Variants in TFAP2B observed in about 807,000 individuals in gnomAD.
The protein encoded by TFAP2B is transcription factor AP-2-beta.
In TFAP2B, 9 loss-of-function variants were observed where a neutral mutation model predicts 44.3. That is an observed-to-expected ratio of 0.20 (90% CI 0.12 to 0.35). TFAP2B has a LOEUF of 0.35. Among genes scored for constraint, TFAP2B ranks in the 10% least tolerant of loss-of-function variants. The pLI, the probability that TFAP2B is intolerant of heterozygous loss-of-function variation, is 1.00. For synonymous variants in TFAP2B, 270 were observed against 263.8 expected (o/e 1.02, Z -0.23); for missense variants, 509 against 600.0 (o/e 0.85, Z 1.59).
intron 4 of TFAP2B, 74 bp downstream of exon 4, chr6:50,836,354 A>G: frequency 7.7e-7 from 1 of 1,294,612 alleles, no homozygotes; most frequent in Admixed American, 1.9e-5. Flanking sequence ...TTTATTGGAC[A>G]GTGAGGAGAA....
In TFAP2B at chr6:50,828,690, T is replaced by C. The variant is rs1023550072; in HGVS notation, c.601+11T>C. The C allele has an allele frequency of 5.6e-6, 9 of 1,613,938 alleles. No homozygotes were observed. Among genetic ancestry groups the C allele is most frequent in the Non-Finnish European group, 7.6e-6 (9 of 1,179,894 alleles). ...CTGTCATTAAAAAAGGTATGGATAA[T>C]TCCCCCCAAAAAGTAAGCAAAGTTC... On this transcript the variant is annotated intron_variant, in intron 3 of 6. Coordinates refer to ENST00000393655, the MANE Select transcript of TFAP2B (RefSeq NM_003221.4).
intron 2 of TFAP2B, among the ~76,000 whole-genome samples, 153 bp from the exon 3 acceptor site, chr6:50,828,466 A>G (rs41273706): frequency 3.9e-5 from 6 of 152,274 alleles, no homozygotes; most frequent in Non-Finnish European, 7.4e-5. Flanking sequence ...TTTCATTTCT[A>G]TGTCTATTTG....
intron 3 of TFAP2B, among the ~76,000 whole-genome samples, chr6:50,830,830 G>T (rs1465179051): frequency 1.3e-5 from 2 of 152,148 alleles, no homozygotes; most frequent in African/African-American, 2.4e-5. Flanking sequence ...CCAATTATGA[G>T]AGATGTTTCC....
intron 6 of TFAP2B, among the ~76,000 whole-genome samples, chr6:50,842,522 C>T (rs1762752630): frequency 6.6e-6 from 1 of 152,208 alleles, no homozygotes; most frequent in Admixed American, 6.5e-5. Flanking sequence ...CTAGCTCCCT[C>T]CCCCAATACT....
intron 6 of TFAP2B, 139 bp from the exon 7 acceptor site, chr6:50,842,953 G>C (rs528759608): frequency 9.0e-6 from 11 of 1,219,840 alleles, no homozygotes; most frequent in Non-Finnish European, 1.3e-5. Context: ...CGCTGGGAAA[G>C]GAAACAGAGC....
chr6:50,820,316 G>A (rs1359862193), intron 1 of TFAP2B, among the ~76,000 whole-genome samples: 2 of 152,250 alleles, frequency 1.3e-5, no homozygotes, highest in African/African-American at 4.8e-5. Flanking sequence ...CGACTCACAG[G>A]CGCGGCCGGC....
chr6:50,838,396 C>T (rs1762663504), intron 5 of TFAP2B, among the ~76,000 whole-genome samples: 1 of 152,210 alleles, frequency 6.6e-6, no homozygotes, highest in Admixed American at 6.5e-5. Context: ...TCTATGTGAA[C>T]TCTTGCAAGA....
rs1215975932 is a variant in TFAP2B at position 50,847,397 on chromosome 6, G to A, written c.*4005G>A. 6.6e-6 allele frequency: 1 copy of A among 152,544 alleles called. No individual in the cohort carries two copies. Among genetic ancestry groups the A allele is most frequent in the Non-Finnish European group, 1.5e-5 (1 of 68,028 alleles). 9.4% of individuals were successfully genotyped at this position (152,544 alleles called of 1,614,324 possible). ...TATATTTATTTATGCTTAATTTAATGGGAATGTGTAAATATGGCGAGCAAG... is the reference window on the plus strand; with the variant it reads ...TATATTTATTTATGCTTAATTTAATAGGAATGTGTAAATATGGCGAGCAAG... On this transcript the variant is annotated 3_prime_UTR_variant, in exon 7 of 7. Transcript: ENST00000393655.
At chr6:50,837,869 C>G (rs1054433513) in intron 4 of TFAP2B, 106 bp from the exon 5 acceptor site, 4 of 925,048 alleles carry the variant, frequency 4.3e-6, no homozygotes, top group Non-Finnish European at 7.2e-6. Flanking sequence ...GTGCTAACCT[C>G]AAGTTAAAAC....
rs990418759 is a variant in TFAP2B at position 50,825,823 on chromosome 6, G to A, written c.540+1958G>A. 2.6e-5 allele frequency among the ~76,000 whole-genome samples: 4 copies of A among 152,148 alleles called. No individual in the cohort carries two copies. In the East Asian group the frequency reaches 5.8e-4, roughly 22 times the overall value. Reference sequence around the variant, plus strand: ...TTCCTCCCCTGCTTTATCTCATTTCGTCACCTGCCGGGAGGCCCACGGGAC... The same window carrying A: ...TTCCTCCCCTGCTTTATCTCATTTCATCACCTGCCGGGAGGCCCACGGGAC... On this transcript the variant is annotated intron_variant, in intron 2 of 6. Coordinates refer to ENST00000393655, the MANE Select transcript of TFAP2B (RefSeq NM_003221.4).
intron 1 of TFAP2B, among the ~76,000 whole-genome samples, chr6:50,819,842 G>T (rs1770280844): frequency 8.8e-6 from 1 of 113,764 alleles, no homozygotes; most frequent in African/African-American, 3.7e-5. Flanking sequence ...CGGCCGAGGC[G>T]GGCGAGGTGG....
intron 3 of TFAP2B, among the ~76,000 whole-genome samples, chr6:50,830,741 C>A (rs1770649679): frequency 6.6e-6 from 1 of 152,156 alleles, no homozygotes; most frequent in Non-Finnish European, 1.5e-5. Context: ...ACTTTTCTAA[C>A]TCAGTATAAG....
chr6:50,825,295 GT>G (rs11345533), intron 2 of TFAP2B, among the ~76,000 whole-genome samples: 43,928 of 150,052 alleles, frequency 0.29, 6,645 homozygotes, highest in African/African-American at 0.39. Context: ...GTATTTAATA[GT>G]TTTTTTTTTA....
chr6:50,836,067 T>G lies in TFAP2B; in HGVS notation c.608T>G (p.Val203Gly), dbSNP rs777245720. 6.2e-7 allele frequency: 1 copy of G among 1,613,968 alleles called. No homozygotes were observed. Among genetic ancestry groups the G allele is most frequent in the African/African-American group, 1.3e-5 (1 of 74,934 alleles). The change falls in exon 4 of 7, where the codon GTT (valine) becomes GGT (glycine). Residue 203 changes from valine to glycine, a missense_variant. Physicochemically the swap from Val to Gly is moderately radical, Grantham distance 109. Around this residue, in one of 3 missense-constraint regions of TFAP2B, gnomAD observed 296 missense variants for 308.2 expected, o/e 0.96. Transcript: ENST00000393655. ...LDQSVIKKVP[V>G]PPKSVTSLMM... is the part of the protein sequence containing the mutation. ...ATTTTTTCTCTCTTTCTAGTTCCAG[T>G]TCCTCCCAAATCGGTGACTTCTCTA...
At chr6:50,829,797 A>G (rs1280279746) in intron 3 of TFAP2B, among the ~76,000 whole-genome samples, 4 of 152,204 alleles carry the variant, frequency 2.6e-5, no homozygotes, top group African/African-American at 9.6e-5. Flanking sequence ...GGTATTCTAA[A>G]TTGTCTTCTT....
chr6:50,823,832 C>A lies in TFAP2B; in HGVS notation c.507C>A (p.His169Gln), dbSNP rs1372403720. 6 of 1,563,796 alleles carry A rather than the reference C, an allele frequency of 3.8e-6. No homozygotes were observed. Among genetic ancestry groups the A allele is most frequent in the Non-Finnish European group, 5.2e-6 (6 of 1,155,146 alleles). Residue 169 changes from histidine (H) to glutamine (Q), a missense_variant, in exon 2 of 7, where the codon CAC becomes CAA. By Grantham distance (24) the His-to-Gln change is conservative. Around this residue, in one of 3 missense-constraint regions of TFAP2B, gnomAD observed 296 missense variants for 308.2 expected, o/e 0.96. Transcript: ENST00000393655. ...GCATGGGTGACAGCCTCTCGCTGCA[C>A]GGCCTCGGCCATCCCGGAATGGAAG... The part of the protein sequence containing the change: ...DAGMGDSLSL[H>Q]GLGHPGMEDV...
At chr6:50,832,706 C>G (rs1762537942) in intron 3 of TFAP2B, among the ~76,000 whole-genome samples, 1 of 152,038 alleles carries the variant, frequency 6.6e-6, no homozygotes, top group Non-Finnish European at 1.5e-5. Flanking sequence ...CTTCCCTTCT[C>G]CTCACCAGCA....
intron 6 of TFAP2B, 59 bp from the exon 7 acceptor site, chr6:50,843,033 T>C: frequency 6.2e-7 from 1 of 1,610,114 alleles, no homozygotes; most frequent in South Asian, 1.1e-5. Context: ...GTCTCCTTTC[T>C]AATGCCAATG....
rs778271758 is a variant in TFAP2B at position 50,836,191 on chromosome 6, G to A, written c.732G>A (p.Ser244=). 2 of 1,613,926 alleles carry A rather than the reference G, an allele frequency of 1.2e-6. No homozygotes were observed. The highest frequency in any genetic ancestry group is 2.2e-5 in the South Asian group (2 of 91,074). ...GTTTGTCTCTGCTCAGTTCAACTTC[G>A]AAGTACAAAGTAACTGTGGGAGAAG... ...PGRLSLLSST[S]KYKVTVGEVQ... The change falls in exon 4 of 7, where the codon TCG becomes TCA. Residue 244 remains serine, a synonymous_variant. Transcript: ENST00000393655.
Sources: gnomAD v4.1 joint callset for allele counts (sites outside exome capture counted in the v4.1 genomes callset) on GRCh38, gnomAD v4.1.1 for gene constraint, gnomAD v4.1.1 regional missense constraint, MANE v1.5 for transcripts, NCBI Gene and HGNC (gene_info 2026-07-23, HGNC 2026-07-21) for gene names.